The following C1QTNF3 variants were observed in gnomAD, a reference collection of about 807,000 sequenced individuals.
C1QTNF3 encodes the protein complement C1q tumor necrosis factor-related protein 3.
A neutral mutation model predicts 32.6 loss-of-function variants in C1QTNF3; 26 were observed. The ratio of observed to expected loss-of-function variants is 0.80; its 90% confidence interval spans 0.58 to 1.11. The LOEUF is 1.11. C1QTNF3 is among the 50% of genes least tolerant of loss of function. C1QTNF3 has a pLI of 0.00. For missense variants in C1QTNF3, 362 were observed against 398.2 expected, an observed-to-expected ratio of 0.91 and a Z score of 0.77; for synonymous variants, 155 against 146.0, an observed-to-expected ratio of 1.06 and a Z score of -0.44.
At chr5:34,108,367 G>A in the C1QTNF3 span, among the ~76,000 whole-genome samples, 1 of 152,082 alleles carries the variant, frequency 6.6e-6, no homozygotes, top group African/African-American at 2.4e-5. Context: ...TAAAAAGCAA[G>A]ATTAAGTACA....
the C1QTNF3 span, among the ~76,000 whole-genome samples, chr5:34,084,416 C>T: frequency 0.064 from 9,633 of 151,664 alleles, 1,248 homozygotes; most frequent in African/African-American, 0.21. Flanking sequence ...TAAAGATAAA[C>T]GTATCTCTAT....
the C1QTNF3 span, among the ~76,000 whole-genome samples, chr5:34,063,286 TC>T: frequency 1.1e-5 from 1 of 95,212 alleles, no homozygotes; most frequent in African/African-American, 4.3e-5. Context: ...CTCTCTCTCT[TC>T]CCTCTCTCTC....
the C1QTNF3 span, among the ~76,000 whole-genome samples, chr5:34,139,307 GA>G: frequency 1.3e-5 from 2 of 151,720 alleles, no homozygotes; most frequent in East Asian, 3.9e-4. Flanking sequence ...AAATATTATA[GA>G]ATATTAAAAA....
the C1QTNF3 span, among the ~76,000 whole-genome samples, chr5:34,116,277 T>C: frequency 2.0e-5 from 3 of 152,144 alleles, no homozygotes; most frequent in Admixed American, 1.3e-4. Context: ...TTAAAAATGT[T>C]CCACGTGCAC....
chr5:34,063,441 C>T, the C1QTNF3 span, among the ~76,000 whole-genome samples: 160 of 151,862 alleles, frequency 1.1e-3, 1 homozygote, highest in African/African-American at 3.6e-3. Context: ...TGTCATAGAC[C>T]CAGTTCTAGT....
chr5:34,036,929 G>A (rs976829631), intron 1 of C1QTNF3, among the ~76,000 whole-genome samples: 4 of 152,002 alleles, frequency 2.6e-5, no homozygotes, highest in African/African-American at 9.7e-5. Context: ...TCCAGCCTGG[G>A]CGACAAGAGC....
At chr5:34,159,590 A>G in the C1QTNF3 span, among the ~76,000 whole-genome samples, 1 of 152,058 alleles carries the variant, frequency 6.6e-6, no homozygotes, top group African/African-American at 2.4e-5. Context: ...ATATTTCCCA[A>G]TTAAAATCCA....
chr5:34,175,729 C>G, the C1QTNF3 span: 5 of 647,094 alleles, frequency 7.7e-6, no homozygotes, highest in Non-Finnish European at 1.4e-5. Flanking sequence ...CCTTTGTTTC[C>G]AATATTCTTA....
the C1QTNF3 span, among the ~76,000 whole-genome samples, chr5:34,158,958 ACAAT>A: frequency 6.6e-6 from 1 of 151,954 alleles, no homozygotes; most frequent in African/African-American, 2.4e-5. Context: ...ACACACACAA[ACAAT>A]CATATATATA....
the C1QTNF3 span, among the ~76,000 whole-genome samples, chr5:34,072,945 G>A: frequency 6.6e-6 from 1 of 151,954 alleles, no homozygotes; most frequent in Non-Finnish European, 1.5e-5. Context: ...ATTTTTTTCT[G>A]TAATCTATTA....
the C1QTNF3 span, among the ~76,000 whole-genome samples, chr5:34,208,728 A>T: frequency 3.3e-5 from 5 of 151,912 alleles, no homozygotes; most frequent in African/African-American, 1.2e-4. Flanking sequence ...TCTAAGAAAA[A>T]CTCTATATGA....
the C1QTNF3 span, among the ~76,000 whole-genome samples, chr5:34,142,370 T>C: frequency 6.7e-6 from 1 of 150,322 alleles, no homozygotes; most frequent in Non-Finnish European, 1.5e-5. Context: ...AGGCAGAGGT[T>C]GCAGTGAGCC....
the C1QTNF3 span, among the ~76,000 whole-genome samples, chr5:34,111,148 C>T: frequency 6.6e-6 from 1 of 152,318 alleles, no homozygotes; most frequent in Admixed American, 6.5e-5. Flanking sequence ...CATACTTTAT[C>T]TGATCTTTTG....
chr5:34,203,547 G>A, the C1QTNF3 span, among the ~76,000 whole-genome samples: 5 of 151,436 alleles, frequency 3.3e-5, no homozygotes, highest in African/African-American at 1.2e-4. Flanking sequence ...TTAGCCAGGC[G>A]TGGTGGCCGG....
chr5:34,146,609 G>C, the C1QTNF3 span, among the ~76,000 whole-genome samples: 3 of 152,162 alleles, frequency 2.0e-5, no homozygotes, highest in African/African-American at 4.8e-5. Flanking sequence ...TAGTTGGCTA[G>C]TCACATGCAG....
chr5:34,212,983 T>C, the C1QTNF3 span, among the ~76,000 whole-genome samples: 353 of 152,242 alleles, frequency 2.3e-3, no homozygotes, highest in African/African-American at 8.0e-3. Context: ...CTATTCACAA[T>C]ACCCCATTCA....
chr5:34,121,226 A>T, the C1QTNF3 span, among the ~76,000 whole-genome samples: 4 of 152,198 alleles, frequency 2.6e-5, no homozygotes, highest in African/African-American at 9.6e-5. Context: ...ATGTTTTGTC[A>T]AAGGAGCTAA....
the C1QTNF3 span, among the ~76,000 whole-genome samples, chr5:34,201,329 T>A: frequency 6.6e-6 from 1 of 152,158 alleles, no homozygotes; most frequent in African/African-American, 2.4e-5. Flanking sequence ...TGGAATGGAC[T>A]TGCAATTTAC....
chr5:34,237,220 G>A, the C1QTNF3 span, among the ~76,000 whole-genome samples: 2 of 152,064 alleles, frequency 1.3e-5, no homozygotes, highest in African/African-American at 2.4e-5. Context: ...CCATTTCAAG[G>A]AAATTACTCT....
Sources: gnomAD v4.1 joint callset for allele counts (sites outside exome capture counted in the v4.1 genomes callset) on GRCh38, gnomAD v4.1.1 for gene constraint, MANE v1.5 for transcripts, NCBI Gene and HGNC (gene_info 2026-07-23, HGNC 2026-07-21) for gene names.